Variants in ZNF560 observed in about 807,000 individuals in gnomAD.
ZNF560 encodes zinc finger protein 560.
Under a neutral mutation model 81.8 loss-of-function variants are expected in ZNF560, and 54 were observed. The observed-to-expected ratio is 0.66, with a 90% CI of 0.53 to 0.83. The LOEUF is 0.83. ZNF560 is among the 40% of genes least tolerant of loss of function. The pLI, the probability that ZNF560 is intolerant of heterozygous loss-of-function variation, is 0.00. For synonymous variants in ZNF560, 321 were observed against 317.9 expected (o/e 1.01, Z -0.10); for missense variants, 940 against 932.4 (o/e 1.01, Z -0.11).
intron 2 of ZNF560, among the ~76,000 whole-genome samples, chr19:9,475,857 T>A (rs2073193580): frequency 6.6e-6 from 1 of 152,058 alleles, no homozygotes; most frequent in African/African-American, 2.4e-5. Context: ...CCGCCCAACT[T>A]GGCCTCCCAA....
Position 9,486,516 on chromosome 19 carries a change from G to C in ZNF560, c.-56-11147C>G, listed in dbSNP as rs1004013442. On this transcript the variant is annotated intron_variant, in intron 2 of 9. Coordinates refer to ENST00000301480, the MANE Select transcript of ZNF560 (RefSeq NM_152476.3). ...GCACTTTTGGAGGCTGAGGCAGGTGGATCACCTGAGGTTAGGAGTTTGAAA... is the reference window on the plus strand; with the variant it reads ...GCACTTTTGGAGGCTGAGGCAGGTGCATCACCTGAGGTTAGGAGTTTGAAA... 2.5e-4 allele frequency among the ~76,000 whole-genome samples: 38 copies of C among 152,192 alleles called. 1 individual carries two copies. The highest frequency in any genetic ancestry group is 1.5e-3 in the Admixed American group (23 of 15,282).
chr19:9,501,211 G>A (rs10408190), upstream of ZNF560, among the ~76,000 whole-genome samples: 6,685 of 137,964 alleles, frequency 0.048, 543 homozygotes, highest in African/African-American at 0.17. Flanking sequence ...CCAGGCTGGA[G>A]TGCAGTGGCA....
At chr19:9,501,670 A>AT (rs199804616), upstream of ZNF560, among the ~76,000 whole-genome samples, 1,350 of 148,444 alleles carry the variant, frequency 9.1e-3, 42 homozygotes, top group East Asian at 0.081. Context: ...TAATTTTTGT[A>AT]TTTTTTTTTG....
At chr19:9,482,369 T>C (rs552220736) in intron 2 of ZNF560, among the ~76,000 whole-genome samples, 2 of 148,760 alleles carry the variant, frequency 1.3e-5, no homozygotes, top group East Asian at 2.0e-4. Flanking sequence ...CACATGTATA[T>C]ATATGTAACA....
In ZNF560 at chr19:9,467,373, A is replaced by C; in HGVS notation, c.1574T>G (p.Phe525Cys). The change falls in exon 10 of 10, where the codon TTT becomes TGT. Residue 525 changes from phenylalanine to cysteine, a missense_variant. Physicochemically the swap from Phe to Cys is radical, Grantham distance 205. Coordinates refer to ENST00000301480, the MANE Select transcript of ZNF560 (RefSeq NM_152476.3). ...PFKCYKCGKP[F>C]TSSACLRIHM... ...AATACGAAGACAGGCAGAAGAGGTA[A>C]ATGGTTTCCCACATTTGTAACACTT... 1 of 1,614,140 alleles carries C rather than the reference A, an allele frequency of 6.2e-7. No homozygotes were observed.
the ZNF560 span, among the ~76,000 whole-genome samples, chr19:9,504,434 C>CA: frequency 7.3e-5 from 11 of 151,300 alleles, no homozygotes; most frequent in African/African-American, 1.2e-4. Context: ...GACTCTGTCT[C>CA]AAAAAAAATA....
the ZNF560 span, among the ~76,000 whole-genome samples, chr19:9,448,233 G>GTTTGTTT: frequency 6.6e-6 from 1 of 151,084 alleles, no homozygotes; most frequent in Non-Finnish European, 1.5e-5. Context: ...TGTGGCGGGG[G>GTTTGTTT]GTTTGTTTGT....
intron 5 of ZNF560, 135 bp from the exon 6 acceptor site, chr19:9,471,513 T>A: frequency 1.7e-6 from 1 of 599,424 alleles, no homozygotes; most frequent in Non-Finnish European, 2.6e-6. Flanking sequence ...AATTGAACAT[T>A]TAGACTGTGT....
intron 2 of ZNF560, among the ~76,000 whole-genome samples, chr19:9,490,164 A>T (rs937814520): frequency 9.2e-5 from 14 of 152,330 alleles, no homozygotes; most frequent in Middle Eastern, 3.4e-3. Flanking sequence ...ACCTACATTA[A>T]GGGCCCAGAA....
chr19:9,469,306 A>G, intron 8 of ZNF560, 119 bp from the exon 9 acceptor site: 3 of 723,302 alleles, frequency 4.1e-6, no homozygotes, highest in Middle Eastern at 4.0e-4. Context: ...TATGGGGTCA[A>G]GTTTTAGTAA....
chr19:9,494,085 T>A (rs1290881404), intron 2 of ZNF560, among the ~76,000 whole-genome samples: 1 of 133,964 alleles, frequency 7.5e-6, no homozygotes, highest in Admixed American at 8.5e-5. Context: ...AGAGCTGAGA[T>A]CACACCACCA....
intron 2 of ZNF560, among the ~76,000 whole-genome samples, chr19:9,485,373 T>G (rs561209742): frequency 6.6e-6 from 1 of 151,942 alleles, no homozygotes; most frequent in East Asian, 1.9e-4. Context: ...GTTCAACATA[T>G]GCAAATCAAT....
chr19:9,465,129 A>ATTTT (rs887659069), downstream of ZNF560, among the ~76,000 whole-genome samples: 3,542 of 129,410 alleles, frequency 0.027, 73 homozygotes, highest in Non-Finnish European at 0.04. Flanking sequence ...AAAGCTATTG[A>ATTTT]TTTTTTTTTT....
chr19:9,459,985 C>T, the ZNF560 span, among the ~76,000 whole-genome samples: 1 of 145,968 alleles, frequency 6.9e-6, no homozygotes, highest in African/African-American at 2.7e-5. Flanking sequence ...CTTCTACCGA[C>T]ACAGAAAGTG....
rs201471557 is a variant in ZNF560 at position 9,474,618 on chromosome 19, A to G, written c.31-293T>C. 2.0e-5 allele frequency among the ~76,000 whole-genome samples: 3 copies of G among 152,142 alleles called. No individual in the cohort carries two copies. The East Asian group carries it at 5.8e-4, about 29-fold the overall frequency. On this transcript the variant is annotated intron_variant, in intron 3 of 9. Transcript: ENST00000301480. The stretch of plus-strand genomic sequence containing the variant: ...ATTTCCCTCTACTAAAAGATATCCC[A>G]GAGTACACTGCATCATATACTTGAT...
At chr19:9,475,729 C>T (rs926968674) in intron 2 of ZNF560, among the ~76,000 whole-genome samples, 9 of 151,822 alleles carry the variant, frequency 5.9e-5, no homozygotes, top group Admixed American at 2.0e-4. Flanking sequence ...GCCTCAGCCT[C>T]CTAAGTAGCT....
chr19:9,460,823 T>A, the ZNF560 span, among the ~76,000 whole-genome samples: 10 of 152,312 alleles, frequency 6.6e-5, no homozygotes, highest in East Asian at 1.9e-3. Context: ...TTTGGGAAGA[T>A]TGCATTGCAG....
rs1175867757 is a variant in ZNF560 at position 9,467,120 on chromosome 19, G to A, written c.1827C>T (p.Phe609=). The change falls in exon 10 of 10, where the codon TTC becomes TTT. Residue 609 remains phenylalanine (F), a synonymous_variant. Transcript: ENST00000301480. The stretch of plus-strand genomic sequence containing the variant: ...GTTTAGTAAGATCTGAGCGTTCTGT[G>A]AAGGCTTTTCCACATTTCTTACATT... ...PYECKKCGKA[F]TERSDLTKHL... 6.2e-7 allele frequency: 1 copy of A among 1,613,904 alleles called. No individual in the cohort carries two copies. The highest frequency in any genetic ancestry group is 8.5e-7 in the Non-Finnish European group (1 of 1,180,016).
the ZNF560 span, among the ~76,000 whole-genome samples, chr19:9,460,192 G>C: frequency 6.6e-6 from 1 of 152,112 alleles, no homozygotes; most frequent in East Asian, 1.9e-4. Context: ...ACACCCACTG[G>C]TGGCAGCATT....
Sources: gnomAD v4.1 joint callset for allele counts (sites outside exome capture counted in the v4.1 genomes callset) on GRCh38, gnomAD v4.1.1 for gene constraint, MANE v1.5 for transcripts, NCBI Gene and HGNC (gene_info 2026-07-23, HGNC 2026-07-21) for gene names.